TMEM229B: variants seen among roughly 807,000 people sequenced by gnomAD.
The protein encoded by TMEM229B is chromosome 14 open reading frame 83.
TMEM229B carries 6 observed loss-of-function variants against 13.7 expected under a neutral mutation model. The ratio of observed to expected loss-of-function variants is 0.44; its 90% CI spans 0.24 to 0.86. The LOEUF (loss-of-function observed/expected upper bound fraction) is 0.86, where lower values mean the gene tolerates loss of function less well. Ranked by LOEUF, TMEM229B falls within the 40% of genes least tolerant of loss-of-function variation. The pLI is 0.23. For missense variants in TMEM229B, 170 were observed against 236.0 expected, an observed-to-expected ratio of 0.72 and a Z score of 1.83; for synonymous variants, 107 against 102.1, an observed-to-expected ratio of 1.05 and a Z score of -0.29.
chr14:67,504,713 T>A (rs904837372), intron 1 of TMEM229B, among the ~76,000 whole-genome samples: 1 of 152,114 alleles, frequency 6.6e-6, no homozygotes, highest in Admixed American at 6.6e-5. Context: ...GGTGAAACCC[T>A]GTCTCTACTA....
intron 1 of TMEM229B, among the ~76,000 whole-genome samples, chr14:67,505,520 G>T (rs574684366): frequency 6.6e-5 from 10 of 152,264 alleles, no homozygotes; most frequent in African/African-American, 2.4e-4. Flanking sequence ...GCCCAGGGAT[G>T]TGTGATTGTT....
chr14:67,479,591 AC>A (rs1413701612), intron 2 of TMEM229B, among the ~76,000 whole-genome samples: 1 of 145,136 alleles, frequency 6.9e-6, no homozygotes, highest in Non-Finnish European at 1.5e-5. Context: ...GGTGGCATGC[AC>A]CTGTAATCCC....
chr14:67,478,472 C>T (rs191491430), intron 2 of TMEM229B, among the ~76,000 whole-genome samples: 44 of 152,354 alleles, frequency 2.9e-4, no homozygotes, highest in South Asian at 2.1e-3. Flanking sequence ...CCAGCTTTGC[C>T]TTCTTCCTTC....
chr14:67,509,324 CT>C (rs5809349), intron 1 of TMEM229B, among the ~76,000 whole-genome samples: 95,368 of 149,602 alleles, frequency 0.64, 31,816 homozygotes, highest in Non-Finnish European at 0.76. Flanking sequence ...TCAACTCTCT[CT>C]TTTTTTTTTT....
rs142841102 is a variant in TMEM229B at position 67,521,370 on chromosome 14, A to G, written c.-192+12266T>C. 1.7e-3 allele frequency among the ~76,000 whole-genome samples: 264 copies of G among 152,338 alleles called. 1 individual carries two copies. The highest frequency in any genetic ancestry group is 2.9e-3 in the Non-Finnish European group (195 of 68,032). ...TTTATAAAATGTCACAGAGGGATGG[A>G]AAGGGGTACCAGTGGAGGGAGAAGA... On this transcript the variant is annotated intron_variant, in intron 1 of 2. Transcript: ENST00000554278.
At position 67,480,478 on chromosome 14, in the gene TMEM229B, G is replaced by A. The variant is rs559982495; in HGVS notation, c.-19+6522C>T. On this transcript the variant is annotated intron_variant, in intron 2 of 2. Transcript: ENST00000554480. ...CCCGAGGGGCAGACTTGAAAAGATG[G>A]TGGAATGAAAGGGGCACAGCCTCTC... 1.1e-4 allele frequency among the ~76,000 whole-genome samples: 17 copies of A among 152,270 alleles called. 1 individual carries two copies. The East Asian group carries it at 1.7e-3, about 16-fold the overall frequency.
At chr14:67,506,794 G>GTCT (rs2032843605) in intron 1 of TMEM229B, among the ~76,000 whole-genome samples, 1 of 152,152 alleles carries the variant, frequency 6.6e-6, no homozygotes, top group Non-Finnish European at 1.5e-5. Context: ...GACCATCCTG[G>GTCT]CCAACGTGGT....
intron 2 of TMEM229B, among the ~76,000 whole-genome samples, chr14:67,486,337 C>T (rs1325297703): frequency 6.6e-6 from 1 of 152,206 alleles, no homozygotes; most frequent in African/African-American, 2.4e-5. Context: ...TGCAATGGCA[C>T]GATCTTGGCT....
In TMEM229B at chr14:67,470,875, C is replaced by A. The variant is rs1422576560; in HGVS notation, c.*2545G>T. The A allele has an allele frequency of 6.6e-6, 1 of 152,502 alleles. No homozygotes were observed. Among genetic ancestry groups the A allele is most frequent in the East Asian group, 1.9e-4 (1 of 5,190 alleles). The allele number at this position is 152,502 out of a possible 1,614,324, so 9.4% of individuals were successfully genotyped here. On this transcript the variant is annotated 3_prime_UTR_variant, in exon 3 of 3. Coordinates refer to ENST00000554480, the MANE Select transcript of TMEM229B (RefSeq NM_001348543.2). Reference sequence around the variant, plus strand: ...GGTTCATGAACAGCCAGCAAACACTCCCCACCAGCACCCTTAATGCTTGGC... The same window carrying A: ...GGTTCATGAACAGCCAGCAAACACTACCCACCAGCACCCTTAATGCTTGGC...
Position 67,470,647 on chromosome 14 carries a change from C to T in TMEM229B, c.*2773G>A, listed in dbSNP as rs1250673431. 6.5e-6 allele frequency: 1 copy of T among 152,874 alleles called. No individual in the cohort carries two copies. The highest frequency in any genetic ancestry group is 1.5e-5 in the Non-Finnish European group (1 of 68,206). The allele number at this position is 152,874 out of a possible 1,614,324, so 9.5% of individuals were successfully genotyped here. ...ACCCACGCAGAGTGAGGGACCAGGA[C>T]AAAAGGGCTTCATGGGGACTCCCTA... On this transcript the variant is annotated 3_prime_UTR_variant, in exon 3 of 3. Transcript: ENST00000554480.
intron 2 of TMEM229B, among the ~76,000 whole-genome samples, 182 bp from the exon 3 acceptor site, chr14:67,474,123 GCT>G (rs2031005280): frequency 6.6e-6 from 1 of 152,124 alleles, no homozygotes; most frequent in Non-Finnish European, 1.5e-5. Context: ...GTGGTGGCCC[GCT>G]CCTGTAATCC....
Position 67,521,682 on chromosome 14 carries a change from C to T in TMEM229B, c.-192+11954G>A, listed in dbSNP as rs561122475. Among the ~76,000 whole-genome samples, 32 of 152,230 alleles carry T rather than the reference C, an allele frequency of 2.1e-4. No homozygotes were observed. In the South Asian group the frequency reaches 5.4e-3, roughly 26 times the overall value. On this transcript the variant is annotated intron_variant, in intron 1 of 2. Coordinates refer to the TMEM229B transcript ENST00000554278. ...TGAATTCATCCATAAAGCATTAAGA[C>T]ATTAATGGGTGTGCACTAAGACAGC...
chr14:67,484,069 T>A (rs1349251376), intron 2 of TMEM229B, among the ~76,000 whole-genome samples: 1 of 152,218 alleles, frequency 6.6e-6, no homozygotes, highest in Non-Finnish European at 1.5e-5. Context: ...AGCTGAGCTG[T>A]CATATCTCAG....
At chr14:67,476,786 C>T (rs1012720064) in intron 2 of TMEM229B, among the ~76,000 whole-genome samples, 1 of 152,054 alleles carries the variant, frequency 6.6e-6, no homozygotes, top group African/African-American at 2.4e-5. Context: ...CACATGACTG[C>T]CCATCTCTTA....
chr14:67,513,144 T>C (rs2033082896), intron 1 of TMEM229B, among the ~76,000 whole-genome samples: 1 of 152,296 alleles, frequency 6.6e-6, no homozygotes, highest in Admixed American at 6.5e-5. Flanking sequence ...CATCTTAAGG[T>C]CAGTACATTT....
At chr14:67,519,569 GT>G (rs2033259102), upstream of TMEM229B, among the ~76,000 whole-genome samples, 1 of 152,150 alleles carries the variant, frequency 6.6e-6, no homozygotes, top group Non-Finnish European at 1.5e-5. Context: ...ACTGCACATC[GT>G]GATTAGAGGC....
intron 1 of TMEM229B, among the ~76,000 whole-genome samples, chr14:67,525,967 T>G (rs998048820): frequency 1.3e-5 from 2 of 152,192 alleles, no homozygotes; most frequent in African/African-American, 4.8e-5. Flanking sequence ...AGCAGCCCCG[T>G]GTCAGCCCCA....
At chr14:67,519,347 C>A (rs1317577315), upstream of TMEM229B, among the ~76,000 whole-genome samples, 2 of 152,232 alleles carry the variant, frequency 1.3e-5, no homozygotes, top group Non-Finnish European at 2.9e-5. Context: ...AAAGGACTAG[C>A]ACAGCACAAG....
rs1390832003 is a variant in TMEM229B, at chr14:67,473,816, G to C, written c.108C>G (p.Asn36Lys). The C allele has an allele frequency of 6.2e-7, 1 of 1,613,852 alleles. No individual in the cohort carries two copies. The change falls in exon 3 of 3, where the codon AAC (asparagine) becomes AAG (lysine). Residue 36 changes from asparagine (N) to lysine (K), a missense_variant. Around this residue, in one of 4 missense-constraint regions of TMEM229B, gnomAD observed 36 missense variants for 83.8 expected, o/e 0.43. Coordinates refer to ENST00000554480, the MANE Select transcript of TMEM229B (RefSeq NM_001348543.2). This position sits in a 1 kb window ranked among gnomAD's most constrained non-coding sequence, Gnocchi z 6.5. ...MFTAAWEFVV[N>K]LNWKFPGVTS... is the part of the protein sequence containing the mutation. The stretch of plus-strand genomic sequence containing the variant: ...TGACCCCAGGGAACTTCCAGTTCAA[G>C]TTCACCACGAACTCCCAGGCCGCTG...
Sources: allele counts gnomAD v4.1 joint callset (sites outside exome capture counted in the v4.1 genomes callset), GRCh38; gene constraint gnomAD v4.1.1; regional missense constraint gnomAD v4.1.1; non-coding constraint Gnocchi (gnomAD v3.1); transcripts MANE v1.5; gene names NCBI Gene and HGNC (gene_info 2026-07-23, HGNC 2026-07-21).